Variants in WDR49 observed in about 807,000 individuals in gnomAD.
WDR49 encodes the protein cilia- and flagella-associated protein 337.
WDR49 carries 107 observed loss-of-function variants against 119.5 expected under a neutral mutation model. The observed-to-expected ratio is 0.90, with a 90% CI of 0.77 to 1.05. The LOEUF (loss-of-function observed/expected upper bound fraction) is 1.05. Ranked by LOEUF, WDR49 falls within the 50% of genes least tolerant of loss-of-function variation. WDR49 has a pLI of 0.00. For synonymous variants in WDR49, 425 were observed against 418.8 expected (o/e 1.01, Z -0.18); for missense variants, 1,240 against 1,220.5 (o/e 1.02, Z -0.24).
At chr3:167,637,568 G>A (rs1717680385) in intron 2 of WDR49, among the ~76,000 whole-genome samples, 1 of 151,638 alleles carries the variant, frequency 6.6e-6, no homozygotes, top group Admixed American at 6.6e-5. Context: ...CTCTGAATTT[G>A]TAGATTGCTT....
chr3:167,604,514 C>A, intron 5 of WDR49, 46 bp from the exon 6 acceptor site: 2 of 1,501,008 alleles, frequency 1.3e-6, no homozygotes, highest in Non-Finnish European at 8.9e-7. Flanking sequence ...GTTGATTCTT[C>A]ACAAGATATT....
chr3:167,563,544 A>G (rs932431911), intron 8 of WDR49, among the ~76,000 whole-genome samples: 2 of 152,154 alleles, frequency 1.3e-5, no homozygotes, highest in Non-Finnish European at 2.9e-5. Context: ...AGAAAAGGTT[A>G]AAGATTGTGC....
rs1374602585 is a variant in WDR49, at chr3:167,653,166, AT to A, written c.165+94del. 5.9e-6 allele frequency: 8 copies of A among 1,367,092 alleles called. No homozygotes were observed. In the Admixed American group the frequency reaches 1.0e-4, roughly 17 times the overall value. 84.7% of individuals were successfully genotyped at this position (1,367,092 alleles called of 1,614,324 possible). ...ATTCTCTGCTATAACAATTAAGTGT[AT>A]TTTTTTAATGCTTAAAGAAAAATAT... On this transcript the variant is annotated intron_variant, in intron 2 of 18. Transcript: ENST00000682715.
intron 18 of WDR49, among the ~76,000 whole-genome samples, chr3:167,490,526 G>T (rs1376910463): frequency 6.6e-6 from 1 of 151,962 alleles, no homozygotes. Flanking sequence ...TTAATTATTT[G>T]TTCAAGTAAG....
intron 8 of WDR49, among the ~76,000 whole-genome samples, chr3:167,574,609 A>G (rs1023855218): frequency 6.6e-6 from 1 of 151,070 alleles, no homozygotes; most frequent in Admixed American, 6.6e-5. Flanking sequence ...TTGGTTGCCT[A>G]TAAGTGGCAT....
chr3:167,536,787 A>G, intron 11 of WDR49, 83 bp downstream of exon 11: 1 of 1,185,424 alleles, frequency 8.4e-7, no homozygotes, highest in Non-Finnish European at 1.1e-6. Flanking sequence ...ACTGAGAAAA[A>G]GCTTTTCTAA....
At chr3:167,576,816 C>T (rs1360467749) in intron 7 of WDR49, among the ~76,000 whole-genome samples, 1 of 152,138 alleles carries the variant, frequency 6.6e-6, no homozygotes, top group Non-Finnish European at 1.5e-5. Context: ...TCATGTATTA[C>T]ACTAGCAATA....
intron 12 of WDR49, among the ~76,000 whole-genome samples, chr3:167,531,626 A>G (rs192956562): frequency 6.6e-6 from 1 of 152,182 alleles, no homozygotes. Context: ...CTTATTAATC[A>G]TTAAAATTAA....
intron 18 of WDR49, among the ~76,000 whole-genome samples, chr3:167,482,652 C>G (rs1286822088): frequency 6.7e-6 from 1 of 148,194 alleles, no homozygotes; most frequent in South Asian, 2.1e-4. Context: ...GCACTCCAGC[C>G]TGGGCGACAG....
intron 8 of WDR49, among the ~76,000 whole-genome samples, chr3:167,562,608 G>A (rs555441430): frequency 6.6e-5 from 10 of 152,294 alleles, no homozygotes; most frequent in African/African-American, 2.4e-4. Flanking sequence ...TTGAAATAAT[G>A]TAACAACACA....
intron 4 of WDR49, among the ~76,000 whole-genome samples, chr3:167,620,947 C>T (rs1056235954): frequency 1.8e-4 from 28 of 151,986 alleles, no homozygotes; most frequent in East Asian, 3.9e-4. Flanking sequence ...TTTCATAGTT[C>T]GGGTGAAATT....
intron 5 of WDR49, among the ~76,000 whole-genome samples, chr3:167,610,075 C>T (rs140920956): frequency 6.6e-6 from 1 of 152,100 alleles, no homozygotes; most frequent in Non-Finnish European, 1.5e-5. Context: ...GCCTCTGAGA[C>T]TTGCTGGCTT....
chr3:167,572,607 T>C (rs1714001397), intron 8 of WDR49, among the ~76,000 whole-genome samples: 1 of 152,230 alleles, frequency 6.6e-6, no homozygotes, highest in Non-Finnish European at 1.5e-5. Context: ...TAGTCGAGCA[T>C]TCATTTTGTG....
chr3:167,653,576 C>A, intron 1 of WDR49, 77 bp from the exon 2 acceptor site: 1 of 854,006 alleles, frequency 1.2e-6, no homozygotes. Flanking sequence ...GATCAGGAGG[C>A]AAAATGTTCA....
At chr3:167,530,994 T>G (rs1175747713) in intron 13 of WDR49, 121 bp downstream of exon 13, 1 of 1,033,780 alleles carries the variant, frequency 9.7e-7, no homozygotes, top group African/African-American at 1.6e-5. Context: ...TGACCTCACT[T>G]GACACACTAC....
intron 2 of WDR49, among the ~76,000 whole-genome samples, chr3:167,634,279 T>C (rs551316345): frequency 5.3e-5 from 8 of 152,086 alleles, no homozygotes; most frequent in South Asian, 2.1e-4. Context: ...TTAGAAAACA[T>C]AATCTCATTC....
intron 16 of WDR49, among the ~76,000 whole-genome samples, chr3:167,511,404 CAGAAGTCTACCGACGCCTATATAATCTTA>C (rs1427357812): frequency 1.3e-5 from 2 of 152,166 alleles, no homozygotes; most frequent in African/African-American, 2.4e-5. Context: ...CTCTCACCCC[CAGAAGTCTACCGACGCCTATATAATCTTA>C]TAATCAACAT....
At chr3:167,581,736 G>A (rs1577253981) in intron 7 of WDR49, among the ~76,000 whole-genome samples, 1 of 152,262 alleles carries the variant, frequency 6.6e-6, no homozygotes, top group African/African-American at 2.4e-5. Context: ...GATATAGGTA[G>A]GGGTATAAAT....
intron 10 of WDR49, among the ~76,000 whole-genome samples, chr3:167,540,675 C>A (rs1343814357): frequency 6.6e-6 from 1 of 151,984 alleles, no homozygotes; most frequent in African/African-American, 2.4e-5. Flanking sequence ...ACACTGGCTC[C>A]CCAGCAATGA....
Sources: allele counts gnomAD v4.1 joint callset (sites outside exome capture counted in the v4.1 genomes callset), GRCh38; gene constraint gnomAD v4.1.1; transcripts MANE v1.5; gene names NCBI Gene and HGNC (gene_info 2026-07-23, HGNC 2026-07-21).